MECOM: variants seen among roughly 807,000 people sequenced by gnomAD.
MECOM encodes the protein MDS1 and EVI1 complex locus, also known as histone-lysine N-methyltransferase MECOM.
Under a neutral mutation model 116.3 loss-of-function variants are expected in MECOM, and 13 were observed. The ratio of observed to expected loss-of-function variants is 0.11; its 90% CI spans 0.07 to 0.18. The LOEUF is 0.18. MECOM is among the 10% of genes least tolerant of loss of function. The pLI is 1.00. For synonymous variants in MECOM, 528 were observed against 535.2 expected, an observed-to-expected ratio of 0.99 and a Z score of 0.19; for missense variants, 1,299 against 1,509.0, an observed-to-expected ratio of 0.86 and a Z score of 2.31.
intron 2 of MECOM, among the ~76,000 whole-genome samples, chr3:169,221,954 G>T (rs1209594533): frequency 6.6e-6 from 1 of 151,758 alleles, no homozygotes; most frequent in African/African-American, 2.4e-5. Context: ...ATGCTTTTTT[G>T]TTGTTGTTTT....
chr3:169,614,517 A>G (rs1236721425), intron 1 of MECOM, among the ~76,000 whole-genome samples: 1 of 152,226 alleles, frequency 6.6e-6, no homozygotes, highest in Non-Finnish European at 1.5e-5. Flanking sequence ...CATATTACAA[A>G]TGTCGGATTC....
chr3:169,395,530 G>C (rs1734886624), intron 1 of MECOM, among the ~76,000 whole-genome samples: 1 of 152,114 alleles, frequency 6.6e-6, no homozygotes, highest in Admixed American at 6.5e-5. Context: ...AAATGCTCAA[G>C]ATACTGATAG....
chr3:169,392,153 G>C (rs1440807133), intron 1 of MECOM, among the ~76,000 whole-genome samples: 3 of 152,140 alleles, frequency 2.0e-5, no homozygotes, highest in Non-Finnish European at 4.4e-5. Flanking sequence ...ATTATTTGCA[G>C]TTAGCAGGAT....
At chr3:169,396,276 C>A (rs533669778) in intron 1 of MECOM, among the ~76,000 whole-genome samples, 2 of 152,250 alleles carry the variant, frequency 1.3e-5, no homozygotes, top group South Asian at 2.1e-4. Flanking sequence ...AGTTATATAA[C>A]CCCAGAAAAT....
At chr3:169,489,383 T>C (rs1275905948) in intron 1 of MECOM, among the ~76,000 whole-genome samples, 2 of 152,196 alleles carry the variant, frequency 1.3e-5, no homozygotes, top group Admixed American at 6.5e-5. Flanking sequence ...AGGTTTTGTA[T>C]GTGTGTGAAA....
chr3:169,378,466 C>A (rs369130322), intron 2 of MECOM, among the ~76,000 whole-genome samples: 14,006 of 44,100 alleles, frequency 0.32, 3,293 homozygotes, highest in African/African-American at 0.41. Flanking sequence ...AGCAAGCAAG[C>A]AAGCAAGCAA....
Position 169,497,311 on chromosome 3 carries a change from A to G in MECOM, c.38-115787T>C, listed in dbSNP as rs116358188. On this transcript the variant is annotated intron_variant, in intron 1 of 16. Transcript: ENST00000651503. ...CTTCTTTTGCAATAGCCCACTAACT[A>G]GCTCTCTAATTCTTCAATTTTTCTC... Among the ~76,000 whole-genome samples, 1,011 of 151,266 alleles carry G rather than the reference A, an allele frequency of 6.7e-3. 7 individuals carry two copies. The highest frequency in any genetic ancestry group is 0.024 in the African/African-American group (971 of 41,206).
chr3:169,147,572 A>T (rs374145613), intron 2 of MECOM: 1 of 985,420 alleles, frequency 1.0e-6, no homozygotes, highest in Non-Finnish European at 1.2e-6. Flanking sequence ...CAAGTCCTAT[A>T]GGGACAGACT....
chr3:169,155,189 A>G (rs972531217), intron 2 of MECOM, among the ~76,000 whole-genome samples: 3 of 152,188 alleles, frequency 2.0e-5, no homozygotes, highest in African/African-American at 7.2e-5. Flanking sequence ...GTTACTTAAC[A>G]CTATTCCCCC....
chr3:169,161,377 C>T (rs1433820187), intron 2 of MECOM, among the ~76,000 whole-genome samples: 1 of 152,180 alleles, frequency 6.6e-6, no homozygotes, highest in African/African-American at 2.4e-5. Flanking sequence ...CTTACCTTGA[C>T]ACTGCCATCA....
chr3:169,220,595 C>T (rs1041136435), intron 2 of MECOM, among the ~76,000 whole-genome samples: 14 of 152,080 alleles, frequency 9.2e-5, no homozygotes, highest in Non-Finnish European at 1.5e-4. Flanking sequence ...CTGCCCCAGC[C>T]CCCCAAGTAG....
intron 5 of MECOM, among the ~76,000 whole-genome samples, chr3:169,124,839 G>C (rs1732303268): frequency 6.6e-6 from 1 of 151,904 alleles, no homozygotes; most frequent in Non-Finnish European, 1.5e-5. Flanking sequence ...AACCATGAAA[G>C]CATTCTTTTA....
At chr3:169,191,528 G>A (rs1488651869) in intron 2 of MECOM, among the ~76,000 whole-genome samples, 2 of 151,456 alleles carry the variant, frequency 1.3e-5, no homozygotes, top group African/African-American at 4.9e-5. Flanking sequence ...ATTTTGTTCT[G>A]TTGTTTTTGG....
chr3:169,452,184 A>G (rs1049626030), intron 1 of MECOM, among the ~76,000 whole-genome samples: 1 of 152,044 alleles, frequency 6.6e-6, no homozygotes, highest in African/African-American at 2.4e-5. Flanking sequence ...GCCGATGCCC[A>G]ACTACAGCTT....
At position 169,097,347 on chromosome 3, in the gene MECOM, G is replaced by A. The variant is rs151310678; in HGVS notation, c.2850-2102C>T. 6.6e-5 allele frequency among the ~76,000 whole-genome samples: 10 copies of A among 152,066 alleles called. No individual in the cohort carries two copies. The East Asian group carries it at 1.9e-3, about 29-fold the overall frequency. The stretch of plus-strand genomic sequence containing the variant: ...TCTGCTAAAGTCTTGGCCAGAAAAA[G>A]AATGTTCTAAATAAAAAAATCACTT... On this transcript the variant is annotated intron_variant, in intron 12 of 16. Transcript: ENST00000651503.
chr3:169,410,215 A>G (rs1737326453), intron 1 of MECOM, among the ~76,000 whole-genome samples: 2 of 152,226 alleles, frequency 1.3e-5, no homozygotes, highest in Admixed American at 6.5e-5. Context: ...CAACTATGCT[A>G]AAATTGTACC....
chr3:169,170,403 CAAAAAAAAAAAAA>C (rs71634426), intron 2 of MECOM, among the ~76,000 whole-genome samples: 1 of 74,366 alleles, frequency 1.3e-5, no homozygotes, highest in African/African-American at 5.0e-5. Context: ...AAGACTCTGT[CAAAAAAAAAAAAA>C]AAAAAAAAAA....
chr3:169,532,884 A>G (rs577329023), intron 1 of MECOM, among the ~76,000 whole-genome samples: 1 of 152,248 alleles, frequency 6.6e-6, no homozygotes, highest in South Asian at 2.1e-4. Flanking sequence ...AAAGAGAATC[A>G]TGGATTTTGC....
At chr3:169,515,870 C>T (rs564377528) in intron 1 of MECOM, among the ~76,000 whole-genome samples, 1 of 152,270 alleles carries the variant, frequency 6.6e-6, no homozygotes, top group Non-Finnish European at 1.5e-5. Flanking sequence ...TAGTACTTTT[C>T]CACTGAAAGA....
Sources: gnomAD v4.1 joint callset for allele counts (sites outside exome capture counted in the v4.1 genomes callset) on GRCh38, gnomAD v4.1.1 for gene constraint, MANE v1.5 for transcripts, NCBI Gene and HGNC (gene_info 2026-07-23, HGNC 2026-07-21) for gene names.